RUVBL2: variants seen among roughly 807,000 people sequenced by gnomAD.
RUVBL2 encodes the protein ruvB-like 2.
In RUVBL2, 9 loss-of-function variants were observed where a neutral mutation model predicts 57.9. The observed-to-expected ratio is 0.16, with a 90% CI of 0.09 to 0.27. The LOEUF (loss-of-function observed/expected upper bound fraction) is 0.27, where lower values mean the gene tolerates loss of function less well. Ranked by LOEUF, RUVBL2 falls within the 10% of genes least tolerant of loss-of-function variation. The pLI is 1.00. For missense variants in RUVBL2, 456 were observed against 669.6 expected (o/e 0.68, Z 3.52); for synonymous variants, 278 against 264.6 (o/e 1.05, Z -0.49).
intron 8 of RUVBL2, 21 bp from the exon 9 acceptor site, chr19:49,010,467 T>TGGCCC: frequency 7.1e-7 from 1 of 1,401,202 alleles, no homozygotes; most frequent in Non-Finnish European, 9.9e-7. Flanking sequence ...CCGCCGTTCT[T>TGGCCC]CCCCCACCCC....
Position 48,997,265 on chromosome 19 carries a change from C to T in RUVBL2, c.13-2054C>T, listed in dbSNP as rs965298711. On this transcript the variant is annotated intron_variant, in intron 1 of 14. Coordinates refer to ENST00000595090, the MANE Select transcript of RUVBL2 (RefSeq NM_006666.3). ...ATGGAATCATACCATATGTGTCTTT[C>T]GTGTGTGGCTTCTTTCAGTCAGTAT... 5.1e-4 allele frequency among the ~76,000 whole-genome samples: 77 copies of T among 152,084 alleles called. 2 individuals carry two copies. The highest frequency in any genetic ancestry group is 4.1e-4 in the South Asian group (2 of 4,834).
chr19:48,995,497 A>T (rs2039038685), intron 1 of RUVBL2, among the ~76,000 whole-genome samples: 1 of 151,574 alleles, frequency 6.6e-6, no homozygotes, highest in Non-Finnish European at 1.5e-5. Flanking sequence ...TTGGCTCCAG[A>T]GGGAGGAGGC....
Position 49,010,544 on chromosome 19 carries a change from C to T in RUVBL2, c.720C>T (p.His240=), listed in dbSNP as rs559809184. 1 of 1,606,438 alleles carries T rather than the reference C, an allele frequency of 6.2e-7. No individual in the cohort carries two copies. The highest frequency in any genetic ancestry group is 8.5e-7 in the Non-Finnish European group (1 of 1,175,826). The change falls in exon 9 of 15, where the codon CAC becomes CAT. Residue 240 remains histidine, a synonymous_variant. Transcript: ENST00000595090. Reference sequence around the variant, plus strand: ...TCCAGAAACGCAAGGAGGTGGTGCACACCGTGTCCCTGCACGAGATCGACG... The same window carrying T: ...TCCAGAAACGCAAGGAGGTGGTGCATACCGTGTCCCTGCACGAGATCGACG... The part of the protein sequence containing the change: ...GELQKRKEVV[H]TVSLHEIDVI...
At chr19:49,012,831 C>G (rs1350485622) in intron 11 of RUVBL2, among the ~76,000 whole-genome samples, 1 of 142,436 alleles carries the variant, frequency 7.0e-6, no homozygotes, top group Non-Finnish European at 1.5e-5. Flanking sequence ...CACACTGCAG[C>G]CTCAGTGCCC....
intron 4 of RUVBL2, 51 bp downstream of exon 4, chr19:49,004,469 C>G: frequency 6.4e-7 from 1 of 1,555,142 alleles, no homozygotes; most frequent in Non-Finnish European, 8.7e-7. Flanking sequence ...TAAATAACTC[C>G]TCCTGTGTAA....
chr19:49,006,736 G>A (rs1028824175), intron 4 of RUVBL2, among the ~76,000 whole-genome samples: 2 of 152,226 alleles, frequency 1.3e-5, no homozygotes, highest in African/African-American at 2.4e-5. Flanking sequence ...GAGGTGTGGC[G>A]AGGTTCTAGG....
Position 49,007,321 on chromosome 19 carries a change from G to A in RUVBL2, c.415G>A (p.Glu139Lys), listed in dbSNP as rs758585614. ...GGCTAGGGAGGAGACGGAGATCATC[G>A]AAGGGGAGGTGGTGGAGATCCAGAT... ...VRIKEETEII[E>K]GEVVEIQIDR... Residue 139 changes from glutamate to lysine, a missense_variant, in exon 6 of 15, where the codon GAA becomes AAA. Glu to Lys is a moderately conservative substitution (Grantham distance 56, BLOSUM62 1). Coordinates refer to ENST00000595090, the MANE Select transcript of RUVBL2 (RefSeq NM_006666.3). 4.3e-6 allele frequency: 7 copies of A among 1,614,040 alleles called. No individual in the cohort carries two copies. The highest frequency in any genetic ancestry group is 3.3e-5 in the Admixed American group (2 of 59,996).
intron 12 of RUVBL2, 99 bp from the exon 13 acceptor site, chr19:49,014,922 A>T (rs1258162808): frequency 6.9e-7 from 1 of 1,446,494 alleles, no homozygotes; most frequent in Non-Finnish European, 9.3e-7. Context: ...GGCGCCACAT[A>T]TTCCCAGTGG....
rs376111883 is a variant in RUVBL2, at chr19:49,010,485, T to G, written c.664-3T>G. 7.4e-6 allele frequency: 3 copies of G among 408,146 alleles called. No homozygotes were observed. The highest frequency in any genetic ancestry group is 8.1e-5 in the East Asian group (1 of 12,392). 25.3% of individuals were successfully genotyped at this position (408,146 alleles called of 1,614,324 possible). Reference sequence around the variant, plus strand: ...CCGTTCTTCCCCCACCCCCGCCCCATAGACCAAGTTCGTGCAGTGCCCAGA... The same window carrying G: ...CCGTTCTTCCCCCACCCCCGCCCCAGAGACCAAGTTCGTGCAGTGCCCAGA... On this transcript the variant is annotated splice_region_variant and splice_polypyrimidine_tract_variant and intron_variant, in intron 8 of 14. Transcript: ENST00000595090.
chr19:48,999,740 C>T (rs1382413478), intron 2 of RUVBL2, among the ~76,000 whole-genome samples: 3 of 152,108 alleles, frequency 2.0e-5, no homozygotes, highest in Non-Finnish European at 4.4e-5. Flanking sequence ...CTAGCTGTGT[C>T]CCTAGCACAG....
chr19:49,007,161 C>T lies in RUVBL2; in HGVS notation c.395+14C>T, dbSNP rs759030050. 16 of 1,612,898 alleles carry T rather than the reference C, an allele frequency of 9.9e-6. No individual in the cohort carries two copies. In the Admixed American group the frequency reaches 2.2e-4, roughly 22 times the overall value. On this transcript the variant is annotated intron_variant, in intron 5 of 14. Transcript: ENST00000595090. ...CGTTCGCATCAAGTAAGCGGGGGAC[C>T]CGAGGCGGGTGCCAGACCCCAGAGC...
intron 1 of RUVBL2, 115 bp from the exon 2 acceptor site, chr19:48,999,204 T>A (rs2039127485): frequency 8.8e-7 from 1 of 1,132,564 alleles, no homozygotes; most frequent in Admixed American, 1.7e-5. Flanking sequence ...GCCTGTCCCA[T>A]CGCCTGCCTG....
At chr19:48,999,463 G>A (rs1313182427) in intron 2 of RUVBL2, 90 bp downstream of exon 2, 2 of 1,368,952 alleles carry the variant, frequency 1.5e-6, no homozygotes, top group Non-Finnish European at 2.1e-6. Context: ...AAGATGGAGA[G>A]GGAGGTGGCC....
Position 49,014,520 on chromosome 19 carries a change from C to T in RUVBL2, c.1038C>T (p.Ile346=). The T allele has an allele frequency of 1.2e-6, 2 of 1,614,122 alleles. No homozygotes were observed. Among genetic ancestry groups the T allele is most frequent in the Non-Finnish European group, 1.7e-6 (2 of 1,179,992 alleles). Residue 346 remains isoleucine, a synonymous_variant, in exon 12 of 15, where the codon ATC becomes ATT. Coordinates refer to ENST00000595090, the MANE Select transcript of RUVBL2 (RefSeq NM_006666.3). ...CCAGCTACCAGAGCCCTCACGGCAT[C>T]CCCATAGACCTGCTGGACCGGCTGC... ...RGTSYQSPHG[I]PIDLLDRLLI...
chr19:48,997,496 G>T (rs1313150637), intron 1 of RUVBL2, among the ~76,000 whole-genome samples: 5 of 151,910 alleles, frequency 3.3e-5, no homozygotes, highest in African/African-American at 1.2e-4. Flanking sequence ...AGGTGTGGTG[G>T]CGGACACCTG....
chr19:49,009,128 T>C (rs1272511565), intron 6 of RUVBL2, among the ~76,000 whole-genome samples: 1 of 114,512 alleles, frequency 8.7e-6, no homozygotes, highest in African/African-American at 3.4e-5. Flanking sequence ...ACCACTGCAC[T>C]CCAGCCTGGG....
chr19:49,011,401 G>A lies in RUVBL2; in HGVS notation c.1001+91G>A, dbSNP rs934799131. 1.2e-5 allele frequency: 12 copies of A among 1,017,834 alleles called. No individual in the cohort carries two copies. The highest frequency in any genetic ancestry group is 1.7e-5 in the Non-Finnish European group (11 of 655,486). 63.1% of individuals were successfully genotyped at this position (1,017,834 alleles called of 1,614,324 possible). ...TCAATGGGAGCCTGTGTTGACACCG[G>A]GTCAGGGAGGGACGCGTGACTGCAG... On this transcript the variant is annotated intron_variant, in intron 11 of 14. Transcript: ENST00000595090. This position sits in a 1 kb window ranked among gnomAD's most constrained non-coding sequence, Gnocchi z 4.4.
chr19:48,996,502 CTGTGTGTG>C (rs72341497), intron 1 of RUVBL2, among the ~76,000 whole-genome samples: 9,085 of 138,222 alleles, frequency 0.066, 333 homozygotes, highest in Middle Eastern at 0.082. Flanking sequence ...ATTTTTGTAT[CTGTGTGTG>C]TGTGTGTGTG....
At position 49,010,869 on chromosome 19, in the gene RUVBL2, G is replaced by A. The variant is rs143657314; in HGVS notation, c.788-130G>A. On this transcript the variant is annotated intron_variant, in intron 9 of 14. Coordinates refer to ENST00000595090, the MANE Select transcript of RUVBL2 (RefSeq NM_006666.3). ...TTCCTCCTCTTTGGGGATGTTTCAG[G>A]CTCCTCATCCCTCCTTGCTTTGCTC... The A allele has an allele frequency of 4.1e-4, 374 of 915,026 alleles. 1 individual carries two copies. In the African/African-American group the frequency reaches 4.7e-3, roughly 11 times the overall value. The allele number at this position is 915,026 out of a possible 1,614,324, so 56.7% of individuals were successfully genotyped here. A position where few individuals can be genotyped will look rare whatever the true frequency, so the allele number is the denominator to read the frequency against.
Sources: allele counts gnomAD v4.1 joint callset (sites outside exome capture counted in the v4.1 genomes callset), GRCh38; gene constraint gnomAD v4.1.1; non-coding constraint Gnocchi (gnomAD v3.1); transcripts MANE v1.5; gene names NCBI Gene and HGNC (gene_info 2026-07-23, HGNC 2026-07-21).